The following TP53I13 variants were observed in gnomAD, a reference collection of about 807,000 sequenced individuals.
The protein encoded by TP53I13 is tumor protein p53 inducible protein 13, also known as tumor protein p53-inducible protein 13.
A neutral mutation model predicts 39.1 loss-of-function variants in TP53I13; 27 were observed. The ratio of observed to expected loss-of-function variants is 0.69; its 90% CI spans 0.51 to 0.95. The LOEUF (loss-of-function observed/expected upper bound fraction) is 0.95, where lower values mean the gene tolerates loss of function less well. Among genes scored for constraint, TP53I13 ranks in the 40% least tolerant of loss-of-function variants. The probability of loss-of-function intolerance (pLI) is 0.00; values close to 1 mark genes in which losing one functional copy is unlikely to be tolerated. For synonymous variants in TP53I13, 230 were observed against 224.6 expected, an observed-to-expected ratio of 1.02 and a Z score of -0.22; for missense variants, 544 against 520.4, an observed-to-expected ratio of 1.05 and a Z score of -0.44.
At chr17:29,569,409 G>T in intron 3 of TP53I13, 50 bp downstream of exon 3, 3 of 1,590,620 alleles carry the variant, frequency 1.9e-6, no homozygotes, top group Non-Finnish European at 2.6e-6. Context: ...CCTGGAGACA[G>T]GCGCTCCTAG....
Position 29,572,237 on chromosome 17 carries a change from G to T in TP53I13, c.609G>T (p.Lys203Asn), listed in dbSNP as rs747407570. 5.6e-6 allele frequency: 9 copies of T among 1,612,524 alleles called. No individual in the cohort carries two copies. Among genetic ancestry groups the T allele is most frequent in the South Asian group, 5.5e-5 (5 of 91,088 alleles). Residue 203 changes from lysine to asparagine, a missense_variant, in exon 6 of 7, where the codon AAG (lysine) becomes AAT (asparagine). Lys to Asn is a moderately conservative substitution (Grantham distance 94). Transcript: ENST00000301057. ...GPRQPSSSGA[K>N]RRRLRAALGP... ...GGCAGCCCTCTTCTAGTGGTGCCAAGAGGCGGAGGCTGCGGGCTGCCCTTG... is the reference window on the plus strand; with the variant it reads ...GGCAGCCCTCTTCTAGTGGTGCCAATAGGCGGAGGCTGCGGGCTGCCCTTG...
chr17:29,568,671 G>A (rs2032794757), upstream of TP53I13: 1 of 913,184 alleles, frequency 1.1e-6, no homozygotes, highest in African/African-American at 1.8e-5. The surrounding 1 kb of genome is among the most constrained non-coding windows in gnomAD (Gnocchi z 4.5). Flanking sequence ...CGGGCGGCGC[G>A]GGGGCGCTGG....
chr17:29,578,862 T>G, the TP53I13 span: 1 of 1,564,264 alleles, frequency 6.4e-7, no homozygotes, highest in Non-Finnish European at 8.8e-7. Flanking sequence ...CTCCCCAACA[T>G]GCAGGGATCC....
chr17:29,566,441 C>G (rs770347389), upstream of TP53I13: 20 of 1,612,352 alleles, frequency 1.2e-5, no homozygotes, highest in South Asian at 2.0e-4. Context: ...AAGCAAAGGC[C>G]GAGCACGTTG....
downstream of TP53I13, chr17:29,576,651 A>G (rs780389107): frequency 2.4e-5 from 39 of 1,613,890 alleles, no homozygotes; most frequent in South Asian, 4.1e-4. Flanking sequence ...CAGCCCCGTC[A>G]GACAAGTCCG....
rs575147755 is a variant in TP53I13 at position 29,572,242 on chromosome 17, G to A, written c.614G>A (p.Arg205Gln). ...RQPSSSGAKR[R>Q]RLRAALGPQP... ...CCCTCTTCTAGTGGTGCCAAGAGGC[G>A]GAGGCTGCGGGCTGCCCTTGGTCCC... The change falls in exon 6 of 7, where the codon CGG (arginine) becomes CAG (glutamine). Residue 205 changes from arginine (R) to glutamine (Q), a missense_variant. Transcript: ENST00000301057. 232 of 1,612,570 alleles carry A rather than the reference G, an allele frequency of 1.4e-4. 2 individuals carry two copies. The South Asian group carries it at 2.2e-3, about 15-fold the overall frequency.
chr17:29,569,562 G>A, intron 3 of TP53I13: 1 of 524,744 alleles, frequency 1.9e-6, no homozygotes, highest in South Asian at 2.8e-5. Flanking sequence ...GTGAGCCATA[G>A]GCCTGTCATC....
At chr17:29,581,613 C>T in the TP53I13 span, 4 of 747,060 alleles carry the variant, frequency 5.4e-6, no homozygotes, top group East Asian at 5.3e-5. This position sits in a 1 kb window ranked among gnomAD's most constrained non-coding sequence, Gnocchi z 4.8. Context: ...TCACAGGAGC[C>T]AGTTGCCTAG....
At chr17:29,570,099 G>A (rs1460889812) in intron 3 of TP53I13, 1 of 151,014 alleles carries the variant, frequency 6.6e-6, no homozygotes, top group Non-Finnish European at 1.5e-5. Context: ...TAGAGACGAG[G>A]TTTCACCATG....
chr17:29,566,444 G>A (rs1377186826), upstream of TP53I13: 4 of 1,612,398 alleles, frequency 2.5e-6, no homozygotes, highest in African/African-American at 5.3e-5. Flanking sequence ...CAAAGGCCGA[G>A]CACGTTGCGG....
At chr17:29,579,171 C>A in the TP53I13 span, 5 of 612,018 alleles carry the variant, frequency 8.2e-6, no homozygotes, top group Non-Finnish European at 1.5e-5. Flanking sequence ...GCTTGCTCTT[C>A]CTCTCAGTGA....
intron 3 of TP53I13, 112 bp from the exon 4 acceptor site, chr17:29,571,479 A>G: frequency 6.9e-7 from 1 of 1,457,952 alleles, no homozygotes; most frequent in Non-Finnish European, 9.3e-7. Flanking sequence ...AAGGTAGAAG[A>G]GCCATCCAGC....
chr17:29,570,735 G>C (rs560310250), intron 3 of TP53I13: 1 of 152,338 alleles, frequency 6.6e-6, no homozygotes, highest in East Asian at 1.9e-4. Context: ...TTCCTCTCCA[G>C]TTGTGTCGGG....
chr17:29,576,753 G>T, downstream of TP53I13: 1 of 1,591,530 alleles, frequency 6.3e-7, no homozygotes, highest in South Asian at 1.1e-5. Flanking sequence ...TTGAGGCTAG[G>T]AGCAGCCCAC....
At chr17:29,577,791 A>C, downstream of TP53I13, 2 of 1,155,592 alleles carry the variant, frequency 1.7e-6, no homozygotes, top group Non-Finnish European at 2.6e-6. Context: ...CAGGCCCCCA[A>C]GGTGGGGGTG....
Position 29,568,832 on chromosome 17 carries a change from T to G in TP53I13, c.72+2T>G, listed in dbSNP as rs752294319. On this transcript the variant is annotated splice_donor_variant, in intron 1 of 6. Coordinates refer to ENST00000301057, the MANE Select transcript of TP53I13 (RefSeq NM_138349.4). LOFTEE classifies it high-confidence loss of function. This position sits in a 1 kb window ranked among gnomAD's most constrained non-coding sequence, Gnocchi z 4.5. Reference sequence around the variant, plus strand: ...GCGAGGCTCCTGGGTCCCAGCGAGGTAAGGTGACCCGCTCCTGGGAAGGCC... The same window carrying G: ...GCGAGGCTCCTGGGTCCCAGCGAGGGAAGGTGACCCGCTCCTGGGAAGGCC... The G allele has an allele frequency of 1.3e-6, 2 of 1,599,360 alleles. No homozygotes were observed. The highest frequency in any genetic ancestry group is 2.2e-5 in the South Asian group (2 of 91,044).
chr17:29,568,906 G>A lies in TP53I13; in HGVS notation c.72+76G>A, dbSNP rs142236551. ...TTGCCAAAAGTTCGTCCTGGAAGGA[G>A]TGGCGCGCCGAGGGGGACGCGGAGT... On this transcript the variant is annotated intron_variant, in intron 1 of 6. Coordinates refer to ENST00000301057, the MANE Select transcript of TP53I13 (RefSeq NM_138349.4). The surrounding 1 kb of genome is among the most constrained non-coding windows in gnomAD (Gnocchi z 4.5). 985 of 1,598,534 alleles carry A rather than the reference G, an allele frequency of 6.2e-4. 7 individuals are homozygous for A. The East Asian group carries it at 0.016, about 26-fold the overall frequency.
the TP53I13 span, chr17:29,578,828 G>A: frequency 3.1e-6 from 5 of 1,593,546 alleles, no homozygotes; most frequent in East Asian, 2.2e-5. Flanking sequence ...AGACCTGAGA[G>A]GTGGCCAGGC....
At position 29,572,846 on chromosome 17, in the gene TP53I13, CCGGGTCAAGCGCT is replaced by C; in HGVS notation, c.1107_1119del (p.Val370AlafsTer92). 1 of 1,526,180 alleles carries C rather than the reference CCGGGTCAAGCGCT, an allele frequency of 6.6e-7. No individual in the cohort carries two copies. The highest frequency in any genetic ancestry group is 8.7e-7 in the Non-Finnish European group (1 of 1,143,028). 94.5% of individuals were successfully genotyped at this position (1,526,180 alleles called of 1,614,324 possible). A position where few individuals can be genotyped will look rare whatever the true frequency, so the allele number is the denominator to read the frequency against. Reference sequence around the variant, plus strand: ...AGCGGAGGCTGCTGCAGCCCTCGCGCCGGGTCAAGCGCTCGCGCCGGAGACCCCTCCTCCCGCC... The same window carrying C: ...AGCGGAGGCTGCTGCAGCCCTCGCGCCGCGCCGGAGACCCCTCCTCCCGCC... On this transcript the variant is annotated frameshift_variant, in exon 7 of 7. Transcript: ENST00000301057. LOFTEE classifies it high-confidence loss of function.
Sources: gnomAD v4.1 joint callset for allele counts on GRCh38, gnomAD v4.1.1 for gene constraint, Gnocchi (gnomAD v3.1) non-coding constraint, MANE v1.5 for transcripts, NCBI Gene and HGNC (gene_info 2026-07-23, HGNC 2026-07-21) for gene names.